KAT7: variants seen among roughly 807,000 people sequenced by gnomAD.
KAT7 encodes lysine acetyltransferase 7.
Under a neutral mutation model 82.1 loss-of-function variants are expected in KAT7, and 10 were observed. The observed-to-expected ratio is 0.12, with a 90% CI of 0.08 to 0.21. KAT7 has a LOEUF of 0.21. Among genes scored for constraint, KAT7 ranks in the 10% least tolerant of loss-of-function variants. The probability of loss-of-function intolerance (pLI) is 1.00; values close to 1 mark genes in which losing one functional copy is unlikely to be tolerated. For synonymous variants in KAT7, 250 were observed against 262.5 expected (o/e 0.95, Z 0.46); for missense variants, 378 against 760.9 (o/e 0.50, Z 5.92).
chr17:49,795,007 GA>G (rs1198079927), intron 2 of KAT7, among the ~76,000 whole-genome samples: 1 of 151,088 alleles, frequency 6.6e-6, no homozygotes, highest in Non-Finnish European at 1.5e-5. Flanking sequence ...GATTTCTTCA[GA>G]TTTTTTTTTT....
At chr17:49,823,331 C>A in intron 12 of KAT7, 36 bp downstream of exon 12, 1 of 1,094,876 alleles carries the variant, frequency 9.1e-7, no homozygotes, top group Non-Finnish European at 1.4e-6. Flanking sequence ...TTCCACAAGG[C>A]AGGGACCATG....
Position 49,831,413 on chromosome 17 carries a change from A to G in KAT7, c.*3911A>G, listed in dbSNP as rs2074423908. 1 of 152,242 alleles carries G rather than the reference A, an allele frequency of 6.6e-6. No individual in the cohort carries two copies. Among genetic ancestry groups the G allele is most frequent in the Non-Finnish European group, 1.5e-5 (1 of 68,048 alleles). The allele number at this position is 152,242 out of a possible 1,614,324, so 9.4% of individuals were successfully genotyped here. ...TGATTTAGGAATAAACTGTTCAGTA[A>G]GCACTGTCCCTTTACTTCCATGGTT... On this transcript the variant is annotated 3_prime_UTR_variant, in exon 15 of 15. Coordinates refer to ENST00000259021, the MANE Select transcript of KAT7 (RefSeq NM_007067.5).
intron 5 of KAT7, among the ~76,000 whole-genome samples, chr17:49,808,445 CTTTCTTTCT>C (rs2074119096): frequency 6.9e-6 from 1 of 145,478 alleles, no homozygotes; most frequent in African/African-American, 2.5e-5. Flanking sequence ...TTCTTTCTTT[CTTTCTTTCT>C]TTTTTTTTTT....
At chr17:49,825,145 A>G (rs1454196557) in intron 12 of KAT7, among the ~76,000 whole-genome samples, 1 of 152,178 alleles carries the variant, frequency 6.6e-6, no homozygotes, top group Non-Finnish European at 1.5e-5. Context: ...TTAGTTGTCT[A>G]AAAGGGTTCC....
At chr17:49,796,523 T>C (rs1053647550) in intron 2 of KAT7, among the ~76,000 whole-genome samples, 1 of 152,204 alleles carries the variant, frequency 6.6e-6, no homozygotes, top group Non-Finnish European at 1.5e-5. Context: ...TCAAGTTCAG[T>C]CCTAATTCCA....
chr17:49,827,517 C>T lies in KAT7; in HGVS notation c.*15C>T, dbSNP rs750579143. On this transcript the variant is annotated 3_prime_UTR_variant, in exon 15 of 15. Coordinates refer to ENST00000259021, the MANE Select transcript of KAT7 (RefSeq NM_007067.5). ...AGGGCACTTAAAGTGACCTGTCATT[C>T]CGAGCCAGCGAACCCCAGCAGTAGG... The T allele has an allele frequency of 1.3e-6, 2 of 1,487,892 alleles. No homozygotes were observed. The highest frequency in any genetic ancestry group is 1.7e-5 in the Admixed American group (1 of 59,796). 92.2% of individuals were successfully genotyped at this position (1,487,892 alleles called of 1,614,324 possible). A position where few individuals can be genotyped will look rare whatever the true frequency, so the allele number is the denominator to read the frequency against.
intron 2 of KAT7, among the ~76,000 whole-genome samples, chr17:49,793,501 A>G (rs1377141608): frequency 1.3e-5 from 2 of 152,170 alleles, no homozygotes; most frequent in Admixed American, 6.5e-5. Flanking sequence ...GCCGATGATC[A>G]ACAGGTGATA....
chr17:49,817,306 C>T (rs80313267), intron 8 of KAT7, among the ~76,000 whole-genome samples: 1 of 152,094 alleles, frequency 6.6e-6, no homozygotes, highest in African/African-American at 2.4e-5. Flanking sequence ...AGAAACCTCT[C>T]TTTTGAGACC....
chr17:49,810,573 T>C (rs1320466349), intron 6 of KAT7, among the ~76,000 whole-genome samples: 6 of 152,214 alleles, frequency 3.9e-5, no homozygotes, highest in African/African-American at 1.2e-4. Context: ...TTTATTCTTA[T>C]TCAGTTTTTC....
At chr17:49,820,513 A>G (rs951203706) in intron 9 of KAT7, among the ~76,000 whole-genome samples, 1 of 152,200 alleles carries the variant, frequency 6.6e-6, no homozygotes, top group South Asian at 2.1e-4. Context: ...TCCTGACCTC[A>G]GGTGATCTGC....
intron 2 of KAT7, among the ~76,000 whole-genome samples, chr17:49,792,291 ATTTG>A (rs769563388): frequency 3.1e-4 from 47 of 152,230 alleles, no homozygotes; most frequent in Non-Finnish European, 4.4e-4. Context: ...GTCTTGAGTC[ATTTG>A]TTTGTTTGTT....
At chr17:49,808,872 G>A (rs2074126537) in intron 5 of KAT7, among the ~76,000 whole-genome samples, 1 of 152,128 alleles carries the variant, frequency 6.6e-6, no homozygotes, top group Non-Finnish European at 1.5e-5. Flanking sequence ...CATCAGACAT[G>A]ATTAAAACCT....
chr17:49,811,966 T>G (rs995454445), intron 7 of KAT7, among the ~76,000 whole-genome samples: 1 of 152,228 alleles, frequency 6.6e-6, no homozygotes, highest in East Asian at 1.9e-4. Flanking sequence ...ATTTCCTCCA[T>G]GATTAAAAGG....
Position 49,834,011 on chromosome 17 carries a change from T to G in KAT7, c.*6509T>G, listed in dbSNP as rs2074443905. On this transcript the variant is annotated 3_prime_UTR_variant, in exon 15 of 15. Coordinates refer to ENST00000259021, the MANE Select transcript of KAT7 (RefSeq NM_007067.5). ...GTGTAAATGGCAGCCTCAGTTCACC[T>G]CATTTGGTTATTTATCGTGTCTTCG... is the stretch of plus-strand genomic sequence containing the variant. The G allele has an allele frequency of 6.6e-6, 1 of 152,216 alleles. No individual in the cohort carries two copies. Among genetic ancestry groups the G allele is most frequent in the African/African-American group, 2.4e-5 (1 of 41,454 alleles). 9.4% of individuals were successfully genotyped at this position (152,216 alleles called of 1,614,324 possible). A position where few individuals can be genotyped will look rare whatever the true frequency, so the allele number is the denominator to read the frequency against.
intron 6 of KAT7, among the ~76,000 whole-genome samples, chr17:49,810,271 T>G (rs1567856680): frequency 1.3e-5 from 2 of 152,210 alleles, no homozygotes; most frequent in Admixed American, 6.5e-5. Context: ...TTTATTTATT[T>G]TTTAGACAGA....
rs1487250685 is a variant in KAT7, at chr17:49,829,157, A to G, written c.*1655A>G. The G allele has an allele frequency of 6.6e-6, 1 of 152,400 alleles. No homozygotes were observed. The highest frequency in any genetic ancestry group is 2.4e-5 in the African/African-American group (1 of 41,436). 9.4% of individuals were successfully genotyped at this position (152,400 alleles called of 1,614,324 possible). On this transcript the variant is annotated 3_prime_UTR_variant, in exon 15 of 15. Coordinates refer to ENST00000259021, the MANE Select transcript of KAT7 (RefSeq NM_007067.5). ...AAATGATGCACACGATCTGCTACTA[A>G]TAGTAAATGCACTTGGGATTTGCTT...
At position 49,830,684 on chromosome 17, in the gene KAT7, A is replaced by C. The variant is rs1017710852; in HGVS notation, c.*3182A>C. 7.9e-5 allele frequency: 12 copies of C among 152,222 alleles called. No individual in the cohort carries two copies. Among genetic ancestry groups the C allele is most frequent in the African/African-American group, 2.9e-4 (12 of 41,438 alleles). The allele number at this position is 152,222 out of a possible 1,614,324, so 9.4% of individuals were successfully genotyped here. The stretch of plus-strand genomic sequence containing the variant: ...TTAGCCCTGTACAGTAGATGGGTAC[A>C]CTGGTTTGCCAAAGGAGACCTGGAA... On this transcript the variant is annotated 3_prime_UTR_variant, in exon 15 of 15. Transcript: ENST00000259021.
At chr17:49,821,605 T>A (rs2074304190) in intron 10 of KAT7, 45 bp from the exon 11 acceptor site, 4 of 1,609,752 alleles carry the variant, frequency 2.5e-6, no homozygotes, top group Non-Finnish European at 3.4e-6. Flanking sequence ...TTTATCTGTT[T>A]AGGAATCAGT....
chr17:49,791,815 T>C, intron 1 of KAT7, 71 bp from the exon 2 acceptor site: 1 of 1,497,312 alleles, frequency 6.7e-7, no homozygotes, highest in Non-Finnish European at 9.3e-7. Context: ...CAGCTTGTTT[T>C]ATTTTCAATG....
Sources: allele counts gnomAD v4.1 joint callset (sites outside exome capture counted in the v4.1 genomes callset), GRCh38; gene constraint gnomAD v4.1.1; transcripts MANE v1.5; gene names NCBI Gene and HGNC (gene_info 2026-07-23, HGNC 2026-07-21).